Variants in KCNJ3 observed in about 807,000 individuals in gnomAD.
KCNJ3 encodes the protein G protein-activated inward rectifier potassium channel 1.
In KCNJ3, 4 loss-of-function variants were observed where a neutral mutation model predicts 39.2. The ratio of observed to expected loss-of-function variants is 0.10; its 90% CI spans 0.05 to 0.23. KCNJ3 has a LOEUF of 0.23. Ranked by LOEUF, KCNJ3 falls within the 10% of genes least tolerant of loss-of-function variation. The pLI is 1.00. For synonymous variants in KCNJ3, 230 were observed against 237.4 expected (o/e 0.97, Z 0.29); for missense variants, 276 against 634.9 (o/e 0.43, Z 6.08).
At chr2:154,712,772 C>T (rs772704908) in intron 2 of KCNJ3, among the ~76,000 whole-genome samples, 2 of 152,010 alleles carry the variant, frequency 1.3e-5, no homozygotes, top group Non-Finnish European at 2.9e-5. Context: ...CGCAGTGAGA[C>T]CCTGTGTCTA....
chr2:154,724,695 G>A (rs1049820005), intron 2 of KCNJ3, among the ~76,000 whole-genome samples: 6 of 151,696 alleles, frequency 4.0e-5, no homozygotes, highest in East Asian at 1.9e-4. Context: ...ATATAATGTC[G>A]TGTCAAATGG....
intron 2 of KCNJ3, among the ~76,000 whole-genome samples, chr2:154,720,821 C>A (rs1267274176): frequency 6.6e-6 from 1 of 152,134 alleles, no homozygotes; most frequent in Non-Finnish European, 1.5e-5. Flanking sequence ...TTTTTCTTCA[C>A]TAAGGGTTTA....
At chr2:154,831,391 A>ATAAT (rs1231746527) in intron 2 of KCNJ3, among the ~76,000 whole-genome samples, 2 of 152,224 alleles carry the variant, frequency 1.3e-5, no homozygotes, top group African/African-American at 4.8e-5. Flanking sequence ...TTAAATATTA[A>ATAAT]TAATTACGGT....
rs1310834101 is a variant in KCNJ3, at chr2:154,856,626, T to C, written c.*1313T>C. 2.6e-5 allele frequency: 4 copies of C among 152,130 alleles called. No individual in the cohort carries two copies. The highest frequency in any genetic ancestry group is 5.9e-5 in the Non-Finnish European group (4 of 68,000). The allele number at this position is 152,130 out of a possible 1,614,324, so 9.4% of individuals were successfully genotyped here. ...AGAGAAATTAAAATTAGATGATAAA[T>C]TGAAGATATCTTACACACAGTTTTT... On this transcript the variant is annotated 3_prime_UTR_variant, in exon 3 of 3. Transcript: ENST00000295101.
At chr2:154,735,432 C>T (rs1337524063) in intron 2 of KCNJ3, among the ~76,000 whole-genome samples, 4 of 152,054 alleles carry the variant, frequency 2.6e-5, no homozygotes, top group African/African-American at 9.7e-5. Flanking sequence ...GTTTCTTATT[C>T]TATATTCCTG....
At chr2:154,726,388 C>T (rs550954249) in intron 2 of KCNJ3, among the ~76,000 whole-genome samples, 90 of 152,032 alleles carry the variant, frequency 5.9e-4, no homozygotes, top group South Asian at 2.5e-3. Context: ...ATTAAGGAAA[C>T]GCAAATCAAG....
At chr2:154,851,256 G>A (rs1049037885) in intron 2 of KCNJ3, among the ~76,000 whole-genome samples, 1 of 151,948 alleles carries the variant, frequency 6.6e-6, no homozygotes, top group African/African-American at 2.4e-5. Context: ...AAAAAAAATT[G>A]TTATCTCATA....
chr2:154,783,725 C>T (rs1359548174), intron 2 of KCNJ3, among the ~76,000 whole-genome samples: 1 of 152,184 alleles, frequency 6.6e-6, no homozygotes, highest in East Asian at 1.9e-4. Flanking sequence ...AGATTTAAAC[C>T]CAGGTGACCT....
At chr2:154,738,450 GCCCAAGGGGATGGATAC>G (rs1348253452) in intron 2 of KCNJ3, among the ~76,000 whole-genome samples, 3 of 152,040 alleles carry the variant, frequency 2.0e-5, no homozygotes, top group Non-Finnish European at 2.9e-5. Flanking sequence ...AAGAATAAAT[GCCCAAGGGGATGGATAC>G]CCCATTCTCT....
intron 2 of KCNJ3, among the ~76,000 whole-genome samples, chr2:154,754,580 C>T (rs1685906502): frequency 6.6e-6 from 1 of 152,134 alleles, no homozygotes; most frequent in Non-Finnish European, 1.5e-5. Flanking sequence ...CGGCTGTAAA[C>T]ATTTCTTTAA....
intron 2 of KCNJ3, among the ~76,000 whole-genome samples, chr2:154,840,655 C>T (rs1199226645): frequency 1.3e-5 from 2 of 152,070 alleles, no homozygotes; most frequent in Admixed American, 6.5e-5. Context: ...CCTTCACATC[C>T]CTTGTAAGTT....
intron 2 of KCNJ3, among the ~76,000 whole-genome samples, chr2:154,845,169 A>G (rs937480578): frequency 1.3e-5 from 2 of 152,184 alleles, no homozygotes; most frequent in African/African-American, 4.8e-5. Context: ...CCCAGGCTGG[A>G]GTGCAGTGGC....
At chr2:154,727,724 T>C (rs1685384477) in intron 2 of KCNJ3, among the ~76,000 whole-genome samples, 4 of 151,730 alleles carry the variant, frequency 2.6e-5, no homozygotes, top group Admixed American at 2.6e-4. Context: ...AGATTGAAAA[T>C]TTCTAGGGTG....
At chr2:154,719,158 G>A (rs547327737) in intron 2 of KCNJ3, among the ~76,000 whole-genome samples, 2 of 152,096 alleles carry the variant, frequency 1.3e-5, no homozygotes, top group Non-Finnish European at 2.9e-5. Flanking sequence ...AATGTCTGAC[G>A]TTTGTGGTCC....
chr2:154,769,791 C>A (rs1558869583), intron 2 of KCNJ3, among the ~76,000 whole-genome samples: 2 of 151,610 alleles, frequency 1.3e-5, no homozygotes, highest in African/African-American at 2.4e-5. Flanking sequence ...CTCTTCTTTA[C>A]CTTTTTTTAA....
At chr2:154,783,156 G>A (rs1190439304) in intron 2 of KCNJ3, among the ~76,000 whole-genome samples, 5 of 151,818 alleles carry the variant, frequency 3.3e-5, no homozygotes, top group Non-Finnish European at 4.4e-5. Flanking sequence ...CAGCCTGGGC[G>A]ACAAAAGTGA....
At chr2:154,775,028 T>C (rs919051522) in intron 2 of KCNJ3, among the ~76,000 whole-genome samples, 5 of 152,136 alleles carry the variant, frequency 3.3e-5, no homozygotes, top group South Asian at 2.1e-4. Flanking sequence ...GCTATCCTCC[T>C]GTTTTAGCGT....
intron 2 of KCNJ3, among the ~76,000 whole-genome samples, chr2:154,828,063 G>C (rs1046435547): frequency 2.0e-5 from 3 of 152,030 alleles, no homozygotes; most frequent in East Asian, 3.9e-4. Context: ...CACATTAAAT[G>C]GGTGGCAAGG....
chr2:154,820,584 T>G (rs1687155879), intron 2 of KCNJ3, among the ~76,000 whole-genome samples: 1 of 152,134 alleles, frequency 6.6e-6, no homozygotes, highest in Admixed American at 6.6e-5. Flanking sequence ...GTTTTAGTAT[T>G]GTGAACAAAA....
Sources: allele counts gnomAD v4.1 joint callset (sites outside exome capture counted in the v4.1 genomes callset), GRCh38; gene constraint gnomAD v4.1.1; transcripts MANE v1.5; gene names NCBI Gene and HGNC (gene_info 2026-07-23, HGNC 2026-07-21).